Variants in CHID1 observed in about 807,000 individuals in gnomAD.
CHID1 encodes the protein chitinase domain-containing protein 1.
CHID1 carries 44 observed loss-of-function variants against 55.4 expected under a neutral mutation model. That is an observed-to-expected ratio of 0.79 (90% CI 0.62 to 1.02). The LOEUF (loss-of-function observed/expected upper bound fraction) is 1.02. Among genes scored for constraint, CHID1 ranks in the 50% least tolerant of loss-of-function variants. CHID1 has a pLI of 0.00. For missense variants in CHID1, 491 were observed against 515.3 expected, an observed-to-expected ratio of 0.95 and a Z score of 0.46; for synonymous variants, 216 against 212.9, an observed-to-expected ratio of 1.01 and a Z score of -0.13.
chr11:894,110 T>C (rs1324136710), intron 7 of CHID1, among the ~76,000 whole-genome samples: 2 of 109,142 alleles, frequency 1.8e-5, no homozygotes, highest in Non-Finnish European at 3.3e-5. Flanking sequence ...CTGAAGAGCA[T>C]GACTCTGTCT....
chr11:880,595 A>G (rs1849845509), intron 10 of CHID1, among the ~76,000 whole-genome samples: 1 of 152,048 alleles, frequency 6.6e-6, no homozygotes, highest in Non-Finnish European at 1.5e-5. Context: ...CTGCCCCAAC[A>G]TACTCCTCTA....
chr11:871,416 C>T (rs1256853094), intron 10 of CHID1, among the ~76,000 whole-genome samples: 1 of 136,566 alleles, frequency 7.3e-6, no homozygotes, highest in African/African-American at 2.7e-5. Context: ...CTCCTTCACA[C>T]AGAGGACAGG....
At chr11:871,629 G>A (rs928172780) in intron 10 of CHID1, among the ~76,000 whole-genome samples, 1 of 37,726 alleles carries the variant, frequency 2.7e-5, no homozygotes, top group African/African-American at 9.4e-5. Flanking sequence ...TGCCCCCCAC[G>A]TGCCTGGGGC....
intron 5 of CHID1, among the ~76,000 whole-genome samples, chr11:900,451 T>G (rs1466273838): frequency 6.6e-6 from 1 of 152,172 alleles, no homozygotes; most frequent in Non-Finnish European, 1.5e-5. Flanking sequence ...TGTCACCTGC[T>G]TCTAGCATCC....
Position 899,356 on chromosome 11 carries a change from GC to G in CHID1, c.591del (p.Leu198Ter). Reference sequence around the variant, plus strand: ...CCCACTCACACGCGCTTCTGGCTTAGCAGCTGGTTCCAGACCTCCACCACGA... The same window carrying G: ...CCCACTCACACGCGCTTCTGGCTTAGAGCTGGTTCCAGACCTCCACCACGA... Reference protein sequence around the residue: ...DGFVVEVWNQLLSQKRVGLIH... With the variant: ...DGFVVEVWNQXLSQKRVGLIH... On this transcript the variant is annotated frameshift_variant, in exon 7 of 13. Coordinates refer to ENST00000323578, the MANE Select transcript of CHID1 (RefSeq NM_023947.4). LOFTEE classifies it high-confidence loss of function. The G allele has an allele frequency of 1.2e-6, 2 of 1,604,134 alleles. No homozygotes were observed. Among genetic ancestry groups the G allele is most frequent in the Non-Finnish European group, 1.7e-6 (2 of 1,175,328 alleles).
Position 877,219 on chromosome 11 carries a change from C to T in CHID1, c.959+5929G>A, listed in dbSNP as rs190858316. ...ATTCCTTGGCCCCAAACCCCCTAGC[C>T]AATTCTCAGAACAATCATGGGTGGG... On this transcript the variant is annotated intron_variant, in intron 10 of 12. Transcript: ENST00000323578. Among the ~76,000 whole-genome samples, 296 of 152,244 alleles carry T rather than the reference C, an allele frequency of 1.9e-3. 2 individuals are homozygous for T. The highest frequency in any genetic ancestry group is 5.8e-3 in the African/African-American group (242 of 41,524).
chr11:903,228 GTGC>G, intron 2 of CHID1, 117 bp from the exon 3 acceptor site: 1 of 1,039,546 alleles, frequency 9.6e-7, no homozygotes, highest in Non-Finnish European at 1.4e-6. Context: ...GATCCACACA[GTGC>G]TGCTGACCCG....
intron 1 of CHID1, among the ~76,000 whole-genome samples, chr11:905,668 CAA>C (rs1042618226): frequency 1.5e-5 from 2 of 130,826 alleles, no homozygotes; most frequent in Non-Finnish European, 1.6e-5. Flanking sequence ...GACTCCATCT[CAA>C]AAAAAAAAAA....
At chr11:872,594 C>T (rs1346817858) in intron 10 of CHID1, among the ~76,000 whole-genome samples, 1 of 152,226 alleles carries the variant, frequency 6.6e-6, no homozygotes, top group East Asian at 1.9e-4. Flanking sequence ...ATGGTCCTTC[C>T]AGAAGCCCCT....
chr11:900,083 G>C lies in CHID1; in HGVS notation c.467C>G (p.Thr156Ser). The change falls in exon 6 of 13, where the codon ACT (threonine) becomes AGT (serine). Residue 156 changes from threonine to serine, a missense_variant. Transcript: ENST00000323578. Reference protein sequence around the residue: ...IVPRLLFEDWTYDDFRNVLDS... With the variant: ...IVPRLLFEDWSYDDFRNVLDS... ...TAAGACGTTCCGGAAATCATCGTAA[G>C]TCCAGTCCTCAAACAGGAGCCGAGG... is the stretch of plus-strand genomic sequence containing the variant. 1 of 1,614,006 alleles carries C rather than the reference G, an allele frequency of 6.2e-7. No individual in the cohort carries two copies. The highest frequency in any genetic ancestry group is 8.5e-7 in the Non-Finnish European group (1 of 1,179,986).
intron 7 of CHID1, among the ~76,000 whole-genome samples, chr11:896,353 AC>A (rs1232447465): frequency 8.4e-6 from 1 of 118,622 alleles, no homozygotes. Context: ...GTGTCTCAGC[AC>A]CCCCAGCCTC....
chr11:912,828 ACT>A (rs1170898395), upstream of CHID1, among the ~76,000 whole-genome samples: 2 of 121,856 alleles, frequency 1.6e-5, no homozygotes, highest in African/African-American at 3.1e-5. Flanking sequence ...ACAGAGTGAG[ACT>A]CTGCCTCAAA....
chr11:914,655 C>CA, upstream of CHID1: 1 of 952,130 alleles, frequency 1.1e-6, no homozygotes, highest in Non-Finnish European at 1.5e-6. Context: ...CCCAGGACAT[C>CA]AAGGCTGCAG....
At chr11:907,276 T>G (rs960362572) in intron 1 of CHID1, among the ~76,000 whole-genome samples, 1 of 152,050 alleles carries the variant, frequency 6.6e-6, no homozygotes, top group African/African-American at 2.4e-5. Context: ...GGTCAGGAGA[T>G]CGAGACCATC....
intron 7 of CHID1, among the ~76,000 whole-genome samples, chr11:898,315 C>A (rs979915298): frequency 2.0e-5 from 3 of 152,188 alleles, no homozygotes; most frequent in Non-Finnish European, 4.4e-5. Context: ...GAGCTCAGGC[C>A]CGGGCTCTTA....
chr11:885,341 C>T (rs1850311752), intron 8 of CHID1, among the ~76,000 whole-genome samples: 1 of 152,192 alleles, frequency 6.6e-6, no homozygotes, highest in Non-Finnish European at 1.5e-5. Flanking sequence ...CCAGCCCCTG[C>T]CTTGAGTCTA....
chr11:901,700 G>A (rs538810195), intron 4 of CHID1, among the ~76,000 whole-genome samples: 1 of 152,276 alleles, frequency 6.6e-6, no homozygotes, highest in African/African-American at 2.4e-5. Context: ...GGAAGTGCAA[G>A]GGAAGGCCAC....
At chr11:908,208 AACTCACAGGGC>A (rs1227691992) in intron 1 of CHID1, 1 of 152,248 alleles carries the variant, frequency 6.6e-6, no homozygotes, top group Non-Finnish European at 1.5e-5. Context: ...TTAGGAAGGG[AACTCACAGGGC>A]AAGCACAGCA....
rs986690865 is a variant in CHID1, at chr11:883,802, C to T, written c.803+266G>A. On this transcript the variant is annotated intron_variant, in intron 9 of 12. Transcript: ENST00000323578. ...CAGGCGAAAGAGGACAGGGCGGCAT[C>T]GGGCAGCAGCAGGACTATGCCTGTA... 3.3e-5 allele frequency among the ~76,000 whole-genome samples: 5 copies of T among 152,236 alleles called. No homozygotes were observed. The East Asian group carries it at 5.8e-4, about 18-fold the overall frequency.
Sources: gnomAD v4.1 joint callset for allele counts (sites outside exome capture counted in the v4.1 genomes callset) on GRCh38, gnomAD v4.1.1 for gene constraint, MANE v1.5 for transcripts, NCBI Gene and HGNC (gene_info 2026-07-23, HGNC 2026-07-21) for gene names.